NRIP1: variants seen among roughly 807,000 people sequenced by gnomAD.
The protein encoded by NRIP1 is nuclear receptor-interacting protein 1.
A neutral mutation model predicts 75.0 loss-of-function variants in NRIP1; 28 were observed. The observed-to-expected ratio is 0.37, with a 90% confidence interval of 0.28 to 0.51. The LOEUF (loss-of-function observed/expected upper bound fraction) is 0.51, where lower values mean the gene tolerates loss of function less well. Among genes scored for constraint, NRIP1 ranks in the 20% least tolerant of loss-of-function variants. The pLI is 0.92. For synonymous variants in NRIP1, 526 were observed against 487.6 expected, an observed-to-expected ratio of 1.08 and a Z score of -1.04; for missense variants, 1,435 against 1,343.7, an observed-to-expected ratio of 1.07 and a Z score of -1.06.
At chr21:15,030,594 G>A (rs1049402058) in intron 2 of NRIP1, among the ~76,000 whole-genome samples, 2 of 152,148 alleles carry the variant, frequency 1.3e-5, no homozygotes, top group Admixed American at 6.5e-5. Context: ...CAAAGCAAAG[G>A]CAGTACAAAT....
Position 15,048,978 on chromosome 21 carries a change from A to G in NRIP1, c.-537-5404T>C, listed in dbSNP as rs564780506. ...ATCATACAAATACATACACACACAC[A>G]CGTATTCATTTTACAAATATATAAA... On this transcript the variant is annotated intron_variant, in intron 1 of 3. Coordinates refer to ENST00000318948, the MANE Select transcript of NRIP1 (RefSeq NM_003489.4). Among the ~76,000 whole-genome samples the G allele has an allele frequency of 2.0e-5, 3 of 150,540 alleles. No homozygotes were observed. In the South Asian group the frequency reaches 6.3e-4, roughly 32 times the overall value.
At chr21:15,029,768 C>G (rs2088600317) in intron 2 of NRIP1, among the ~76,000 whole-genome samples, 1 of 151,960 alleles carries the variant, frequency 6.6e-6, no homozygotes, top group Admixed American at 6.6e-5. Flanking sequence ...GTGAGCTATG[C>G]TAACCCCACT....
intron 3 of NRIP1, among the ~76,000 whole-genome samples, chr21:15,013,258 T>G (rs1225098302): frequency 6.6e-6 from 1 of 152,232 alleles, no homozygotes; most frequent in Non-Finnish European, 1.5e-5. Context: ...TTTAAAGATT[T>G]TCTTGATGAA....
At chr21:15,047,604 C>T (rs1021126068) in intron 1 of NRIP1, among the ~76,000 whole-genome samples, 8 of 152,158 alleles carry the variant, frequency 5.3e-5, no homozygotes, top group Non-Finnish European at 1.0e-4. Flanking sequence ...CTCACTATCA[C>T]GAGAACAGCA....
chr21:15,041,565 T>A (rs556153976), intron 2 of NRIP1, among the ~76,000 whole-genome samples: 1 of 152,294 alleles, frequency 6.6e-6, no homozygotes, highest in Non-Finnish European at 1.5e-5. Flanking sequence ...ATTCCTATCT[T>A]GAATATACAT....
At chr21:15,061,297 C>T (rs1030691183) in intron 1 of NRIP1, among the ~76,000 whole-genome samples, 1 of 152,088 alleles carries the variant, frequency 6.6e-6, no homozygotes, top group African/African-American at 2.4e-5. Flanking sequence ...TAAACAAACA[C>T]ACAGAACAAA....
At chr21:15,039,291 A>C (rs775263332) in intron 2 of NRIP1, among the ~76,000 whole-genome samples, 8 of 152,128 alleles carry the variant, frequency 5.3e-5, no homozygotes, top group Non-Finnish European at 7.4e-5. Flanking sequence ...GCTATAAAAC[A>C]ACCACTGTAT....
In NRIP1 at chr21:14,961,700, G is replaced by C. The variant is rs111981342; in HGVS notation, c.*3016C>G. 8.2e-3 allele frequency: 1,252 copies of C among 152,448 alleles called. 13 individuals are homozygous for C. Among genetic ancestry groups the C allele is most frequent in the South Asian group, 0.034 (165 of 4,826 alleles). The allele number at this position is 152,448 out of a possible 1,614,324, so 9.4% of individuals were successfully genotyped here. On this transcript the variant is annotated 3_prime_UTR_variant, in exon 4 of 4. Transcript: ENST00000318948. ...CTGATCTGATTTGTTAAGACATTTTGCCAAATGCACAGATGCACAGGGTCC... is the reference window on the plus strand; with the variant it reads ...CTGATCTGATTTGTTAAGACATTTTCCCAAATGCACAGATGCACAGGGTCC...
At chr21:14,977,442 C>T (rs2087104128) in intron 3 of NRIP1, among the ~76,000 whole-genome samples, 1 of 152,044 alleles carries the variant, frequency 6.6e-6, no homozygotes, top group Admixed American at 6.6e-5. Flanking sequence ...CTTTCCAAAC[C>T]AAGGGCCAAT....
At chr21:14,985,351 T>C (rs1262402393) in intron 3 of NRIP1, among the ~76,000 whole-genome samples, 1 of 152,194 alleles carries the variant, frequency 6.6e-6, no homozygotes, top group African/African-American at 2.4e-5. Context: ...TTCCCTGGAA[T>C]ATAAATTAAT....
chr21:15,022,004 G>A (rs2088388575), intron 2 of NRIP1, among the ~76,000 whole-genome samples: 1 of 152,088 alleles, frequency 6.6e-6, no homozygotes, highest in Non-Finnish European at 1.5e-5. Context: ...AGACCTAGAG[G>A]CAGAAATAAC....
chr21:15,049,170 T>C (rs916744573), intron 1 of NRIP1, among the ~76,000 whole-genome samples: 2 of 152,174 alleles, frequency 1.3e-5, no homozygotes, highest in Non-Finnish European at 2.9e-5. Flanking sequence ...TAACACCTAA[T>C]ATTCAGGTTA....
chr21:14,965,555 C>T lies in NRIP1; in HGVS notation c.2638G>A (p.Ala880Thr). The change falls in exon 4 of 4, where the codon GCT (alanine) becomes ACT (threonine). Residue 880 changes from alanine (A) to threonine (T), a missense_variant. Transcript: ENST00000318948. Reference sequence around the variant, plus strand: ...TCTGGGGCACTGTGATTGTTTGCAGCATCAACAATGTTGTTTTTCATCTTT... The same window carrying T: ...TCTGGGGCACTGTGATTGTTTGCAGTATCAACAATGTTGTTTTTCATCTTT... ...FKKMKNNIVD[A>T]ANNHSAPEVL... The T allele has an allele frequency of 6.2e-7, 1 of 1,614,010 alleles. No homozygotes were observed. The highest frequency in any genetic ancestry group is 8.5e-7 in the Non-Finnish European group (1 of 1,179,902).
intron 1 of NRIP1, chr21:15,050,912 C>T: frequency 2.2e-6 from 1 of 456,034 alleles, no homozygotes; most frequent in Non-Finnish European, 4.4e-6. Context: ...ATCACTCTTA[C>T]AGTTTAGAGC....
At chr21:15,051,816 C>T (rs1195151181) in intron 1 of NRIP1, 2 of 152,216 alleles carry the variant, frequency 1.3e-5, no homozygotes, top group Admixed American at 1.3e-4. Flanking sequence ...TGTCAAACTG[C>T]TAATCACTGC....
intron 1 of NRIP1, among the ~76,000 whole-genome samples, chr21:15,047,144 A>G (rs1353550853): frequency 6.6e-6 from 1 of 152,202 alleles, no homozygotes; most frequent in East Asian, 1.9e-4. Context: ...GGGAGGTCTC[A>G]GGAAACTTAA....
At chr21:14,980,505 A>C (rs376345016) in intron 3 of NRIP1, among the ~76,000 whole-genome samples, 11 of 151,724 alleles carry the variant, frequency 7.3e-5, no homozygotes, top group African/African-American at 2.4e-4. Flanking sequence ...AAATAAAATA[A>C]ATACATACAT....
intron 3 of NRIP1, among the ~76,000 whole-genome samples, chr21:14,988,497 A>ATGTGTG (rs1370123141): frequency 0.15 from 21,892 of 141,806 alleles, 1,797 homozygotes; most frequent in Admixed American, 0.23. Context: ...TAGTATATAT[A>ATGTGTG]TATGTGTGTG....
At chr21:14,982,188 T>C (rs1425428180) in intron 3 of NRIP1, among the ~76,000 whole-genome samples, 1 of 152,192 alleles carries the variant, frequency 6.6e-6, no homozygotes, top group Non-Finnish European at 1.5e-5. Flanking sequence ...AATCTTTACA[T>C]CAGAATTTCC....
Sources: allele counts gnomAD v4.1 joint callset (sites outside exome capture counted in the v4.1 genomes callset), GRCh38; gene constraint gnomAD v4.1.1; transcripts MANE v1.5; gene names NCBI Gene and HGNC (gene_info 2026-07-23, HGNC 2026-07-21).